TMEM200A: variants seen among roughly 807,000 people sequenced by gnomAD.
The protein encoded by TMEM200A is transmembrane protein 200A.
Under a neutral mutation model 24.3 loss-of-function variants are expected in TMEM200A, and 12 were observed. That is an observed-to-expected ratio of 0.49 (90% CI 0.32 to 0.80). The LOEUF is 0.80. TMEM200A is among the 30% of genes least tolerant of loss of function. The pLI is 0.04. For synonymous variants in TMEM200A, 224 were observed against 224.4 expected, an observed-to-expected ratio of 1.00 and a Z score of 0.02; for missense variants, 545 against 614.4, an observed-to-expected ratio of 0.89 and a Z score of 1.19.
intron 1 of TMEM200A, among the ~76,000 whole-genome samples, chr6:130,383,243 C>T (rs1778642988): frequency 6.6e-6 from 1 of 152,158 alleles, no homozygotes; most frequent in South Asian, 2.1e-4. Flanking sequence ...CCACCCTAGC[C>T]TTGGAATTTT....
intron 2 of TMEM200A, among the ~76,000 whole-genome samples, chr6:130,412,359 TCTCA>T (rs1779352485): frequency 6.6e-6 from 1 of 152,084 alleles, no homozygotes; most frequent in Non-Finnish European, 1.5e-5. Context: ...GACTCCTGCC[TCTCA>T]CTGTCAGTGC....
At chr6:130,406,369 AT>A (rs756560359) in intron 2 of TMEM200A, among the ~76,000 whole-genome samples, 23 of 151,990 alleles carry the variant, frequency 1.5e-4, no homozygotes, top group Non-Finnish European at 2.9e-4. Context: ...CCCCTAAACA[AT>A]ATCTTGGATT....
intron 2 of TMEM200A, among the ~76,000 whole-genome samples, chr6:130,405,368 C>T (rs1406168345): frequency 1.3e-5 from 2 of 152,136 alleles, no homozygotes; most frequent in African/African-American, 4.8e-5. Context: ...AGAGATCTTT[C>T]ACCTCCCTAG....
intron 2 of TMEM200A, among the ~76,000 whole-genome samples, chr6:130,398,817 TATA>T (rs1032766911): frequency 6.6e-6 from 1 of 151,998 alleles, no homozygotes; most frequent in Non-Finnish European, 1.5e-5. Flanking sequence ...CTAATGATAT[TATA>T]ATATTTTTAT....
chr6:130,415,617 G>A (rs1391028488), intron 2 of TMEM200A, among the ~76,000 whole-genome samples: 1 of 152,032 alleles, frequency 6.6e-6, no homozygotes, highest in African/African-American at 2.4e-5. Flanking sequence ...ACTAAATTAC[G>A]AGAAATCTAT....
intron 2 of TMEM200A, among the ~76,000 whole-genome samples, chr6:130,400,115 C>G (rs550409050): frequency 3.3e-5 from 5 of 151,934 alleles, no homozygotes; most frequent in African/African-American, 1.2e-4. Context: ...TATACACACA[C>G]ACACACACCA....
intron 2 of TMEM200A, among the ~76,000 whole-genome samples, chr6:130,407,890 G>A (rs1028295576): frequency 6.6e-6 from 1 of 152,144 alleles, no homozygotes; most frequent in African/African-American, 2.4e-5. Context: ...TTTTACGTCT[G>A]CTATCCTTTT....
chr6:130,423,358 T>G (rs529745827), intron 2 of TMEM200A, among the ~76,000 whole-genome samples: 1 of 152,320 alleles, frequency 6.6e-6, no homozygotes, highest in Non-Finnish European at 1.5e-5. Context: ...CACATTGTCT[T>G]TATGTTCACT....
In TMEM200A at chr6:130,420,702, AG is replaced by A. The variant is rs551519788; in HGVS notation, c.-16-19704del. On this transcript the variant is annotated intron_variant, in intron 2 of 2. Transcript: ENST00000296978. Reference sequence around the variant, plus strand: ...CTTCAGCCTCGGGTCCTTAGCTCCCAGCAATGTCTTCAAGTAACAGTGAGTG... The same window carrying A: ...CTTCAGCCTCGGGTCCTTAGCTCCCACAATGTCTTCAAGTAACAGTGAGTG... 4.6e-5 allele frequency among the ~76,000 whole-genome samples: 7 copies of A among 152,192 alleles called. No individual in the cohort carries two copies. The South Asian group carries it at 1.5e-3, about 32-fold the overall frequency.
chr6:130,402,872 ACTT>A (rs1356746434), intron 2 of TMEM200A, among the ~76,000 whole-genome samples: 1 of 152,108 alleles, frequency 6.6e-6, no homozygotes, highest in African/African-American at 2.4e-5. Context: ...ATCATGAATA[ACTT>A]CTTGTCATTG....
At chr6:130,373,130 T>A (rs1229730304) in intron 1 of TMEM200A, among the ~76,000 whole-genome samples, 2 of 152,220 alleles carry the variant, frequency 1.3e-5, no homozygotes, top group East Asian at 3.8e-4. Flanking sequence ...ATCCAAAGAA[T>A]CTCAGTACTG....
intron 2 of TMEM200A, among the ~76,000 whole-genome samples, chr6:130,427,331 C>G (rs575131080): frequency 2.8e-4 from 42 of 152,292 alleles, no homozygotes; most frequent in African/African-American, 9.6e-4. Flanking sequence ...GCTCTAGAAA[C>G]TCAGAAATAT....
chr6:130,381,982 C>T, intron 1 of TMEM200A: 2 of 985,068 alleles, frequency 2.0e-6, no homozygotes, highest in Non-Finnish European at 2.4e-6. Flanking sequence ...TGAAGTGGCT[C>T]TCCTTCAAAG....
At chr6:130,373,385 G>A (rs1473071648) in intron 1 of TMEM200A, among the ~76,000 whole-genome samples, 5 of 151,972 alleles carry the variant, frequency 3.3e-5, no homozygotes, top group African/African-American at 1.2e-4. Flanking sequence ...TGACCCAAAG[G>A]CACTCATAAC....
At chr6:130,376,366 G>C (rs1778456036) in intron 1 of TMEM200A, among the ~76,000 whole-genome samples, 1 of 152,134 alleles carries the variant, frequency 6.6e-6, no homozygotes, top group Admixed American at 6.5e-5. Flanking sequence ...TGCCTCCTGG[G>C]TTCAAGCGAT....
chr6:130,403,933 T>C (rs564466394), intron 2 of TMEM200A, among the ~76,000 whole-genome samples: 13 of 152,308 alleles, frequency 8.5e-5, no homozygotes, highest in African/African-American at 3.1e-4. Flanking sequence ...TATTTGGTTT[T>C]ATGCTCCTAT....
chr6:130,435,380 A>C (rs1193632599), intron 2 of TMEM200A, among the ~76,000 whole-genome samples: 1 of 152,162 alleles, frequency 6.6e-6, no homozygotes, highest in Non-Finnish European at 1.5e-5. Flanking sequence ...AGTTAGATTT[A>C]TTTATAACCA....
intron 2 of TMEM200A, among the ~76,000 whole-genome samples, chr6:130,432,126 T>C (rs1239871692): frequency 2.0e-5 from 3 of 152,190 alleles, no homozygotes; most frequent in South Asian, 2.1e-4. Context: ...ATCACTCTTA[T>C]GGCATCTTCT....
chr6:130,377,161 A>G (rs1778477440), intron 1 of TMEM200A, among the ~76,000 whole-genome samples: 1 of 152,226 alleles, frequency 6.6e-6, no homozygotes, highest in African/African-American at 2.4e-5. Context: ...TACTTAGAGC[A>G]AGGGAAAGAG....
Sources: gnomAD v4.1 joint callset for allele counts (sites outside exome capture counted in the v4.1 genomes callset) on GRCh38, gnomAD v4.1.1 for gene constraint, MANE v1.5 for transcripts, NCBI Gene and HGNC (gene_info 2026-07-23, HGNC 2026-07-21) for gene names.